RIC1: variants seen among roughly 807,000 people sequenced by gnomAD.
RIC1 encodes guanine nucleotide exchange factor subunit RIC1.
In RIC1, 88 loss-of-function variants were observed where a neutral mutation model predicts 169.0. The observed-to-expected ratio is 0.52, with a 90% CI of 0.44 to 0.62. RIC1 has a LOEUF of 0.62. Ranked by LOEUF, RIC1 falls within the 20% of genes least tolerant of loss-of-function variation. RIC1 has a pLI of 0.00. For missense variants in RIC1, 1,877 were observed against 1,725.5 expected, an observed-to-expected ratio of 1.09 and a Z score of -1.56; for synonymous variants, 790 against 601.5, an observed-to-expected ratio of 1.31 and a Z score of -4.59.
intron 4 of RIC1, among the ~76,000 whole-genome samples, chr9:5,714,480 A>C (rs965374112): frequency 2.6e-5 from 4 of 152,286 alleles, no homozygotes; most frequent in East Asian, 3.9e-4. Flanking sequence ...TTTTATACCC[A>C]TTGGTAGAAA....
intron 1 of RIC1, among the ~76,000 whole-genome samples, chr9:5,651,263 C>T (rs1818784940): frequency 6.6e-6 from 1 of 152,202 alleles, no homozygotes; most frequent in Admixed American, 6.5e-5. Context: ...CTTCCCTCTT[C>T]TTCCTTGCTT....
intron 2 of RIC1, among the ~76,000 whole-genome samples, chr9:5,665,645 A>G (rs1012912658): frequency 1.3e-5 from 2 of 151,580 alleles, no homozygotes; most frequent in African/African-American, 4.9e-5. Flanking sequence ...TTTTGTTGAT[A>G]TTGTTGTTTT....
intron 2 of RIC1, among the ~76,000 whole-genome samples, chr9:5,686,834 G>C (rs1482160135): frequency 6.6e-6 from 1 of 152,106 alleles, no homozygotes; most frequent in Non-Finnish European, 1.5e-5. Flanking sequence ...TAATGTCTTT[G>C]TCTGGTTTTG....
chr9:5,775,442 A>G lies in RIC1; in HGVS notation c.*1196A>G, dbSNP rs1424094315. The G allele has an allele frequency of 6.6e-6, 1 of 152,236 alleles. No homozygotes were observed. The highest frequency in any genetic ancestry group is 1.5e-5 in the Non-Finnish European group (1 of 68,030). 9.4% of individuals were successfully genotyped at this position (152,236 alleles called of 1,614,324 possible). A position where few individuals can be genotyped will look rare whatever the true frequency, so the allele number is the denominator to read the frequency against. ...GTAATTCTAATTACCTTATAACAGT[A>G]TTAAGACAGCTTGTTTGTACTGTGC... On this transcript the variant is annotated 3_prime_UTR_variant, in exon 26 of 26. Coordinates refer to ENST00000414202, the MANE Select transcript of RIC1 (RefSeq NM_020829.4).
At position 5,732,374 on chromosome 9, in the gene RIC1, T is replaced by C. The variant is rs1161501680; in HGVS notation, c.721-14T>C. 2.5e-6 allele frequency: 4 copies of C among 1,597,204 alleles called. No individual in the cohort carries two copies. Among genetic ancestry groups the C allele is most frequent in the Non-Finnish European group, 3.4e-6 (4 of 1,170,640 alleles). On this transcript the variant is annotated splice_polypyrimidine_tract_variant and intron_variant, in intron 6 of 25. Coordinates refer to ENST00000414202, the MANE Select transcript of RIC1 (RefSeq NM_020829.4). ...AAACACTTTTTAAGCCTTAACTATTTTTCTTTATTATAGCAGCTTCATGGA... is the reference window on the plus strand; with the variant it reads ...AAACACTTTTTAAGCCTTAACTATTCTTCTTTATTATAGCAGCTTCATGGA...
At chr9:5,768,346 C>T (rs1236160802) in intron 21 of RIC1, among the ~76,000 whole-genome samples, 4 of 152,066 alleles carry the variant, frequency 2.6e-5, no homozygotes, top group African/African-American at 7.2e-5. Flanking sequence ...GGCAACACAG[C>T]AAGATCCCAT....
At chr9:5,631,400 G>A (rs1170222449) in intron 1 of RIC1, among the ~76,000 whole-genome samples, 1 of 152,120 alleles carries the variant, frequency 6.6e-6, no homozygotes, top group African/African-American at 2.4e-5. Flanking sequence ...GTATAGTACT[G>A]TAGTATGAGT....
intron 19 of RIC1, among the ~76,000 whole-genome samples, 184 bp downstream of exon 19, chr9:5,764,052 T>C (rs1336707433): frequency 6.6e-6 from 1 of 152,242 alleles, no homozygotes; most frequent in African/African-American, 2.4e-5. Context: ...ATTGCAGAGA[T>C]ATTTTTTCCA....
At chr9:5,654,803 T>G in intron 1 of RIC1, among the ~76,000 whole-genome samples, 1 of 152,244 alleles carries the variant, frequency 6.6e-6, no homozygotes, top group Non-Finnish European at 1.5e-5. Flanking sequence ...TCTGCCTGCC[T>G]TGGCCTTTCA....
intron 3 of RIC1, among the ~76,000 whole-genome samples, chr9:5,692,021 A>G (rs10975242): frequency 0.34 from 51,292 of 151,868 alleles, 9,392 homozygotes; most frequent in East Asian, 0.62. Context: ...AGTCCTGACA[A>G]TGCGTGAACT....
chr9:5,650,517 G>C (rs2130395867), intron 1 of RIC1, among the ~76,000 whole-genome samples: 1 of 152,146 alleles, frequency 6.6e-6, no homozygotes, highest in Middle Eastern at 3.4e-3. Flanking sequence ...AGAGGGGATA[G>C]GGTTGGTGTC....
At chr9:5,700,509 C>G (rs12348872) in intron 3 of RIC1, among the ~76,000 whole-genome samples, 2,658 of 152,012 alleles carry the variant, frequency 0.017, 82 homozygotes, top group African/African-American at 0.061. Flanking sequence ...ATTCGTAAAT[C>G]TAGCAAATTT....
chr9:5,654,158 C>T (rs1818956427), intron 1 of RIC1, among the ~76,000 whole-genome samples: 1 of 151,898 alleles, frequency 6.6e-6, no homozygotes, highest in African/African-American at 2.4e-5. Context: ...GCCACCATGC[C>T]CAGCTAATTT....
chr9:5,639,803 G>A (rs1818148296), intron 1 of RIC1, among the ~76,000 whole-genome samples: 1 of 152,084 alleles, frequency 6.6e-6, no homozygotes, highest in Non-Finnish European at 1.5e-5. Context: ...TTCTATTGCT[G>A]GATTGACTCT....
intron 7 of RIC1, among the ~76,000 whole-genome samples, chr9:5,734,146 G>T (rs548319109): frequency 6.7e-6 from 1 of 148,672 alleles, no homozygotes; most frequent in Non-Finnish European, 1.5e-5. Flanking sequence ...TCGCTCTGTC[G>T]CCCTGGCTAG....
chr9:5,773,936 A>T, intron 25 of RIC1, 22 bp from the exon 26 acceptor site: 1 of 1,540,124 alleles, frequency 6.5e-7, no homozygotes, highest in Non-Finnish European at 8.7e-7. Flanking sequence ...CAGATGAGCT[A>T]ATGTTTTTTT....
intron 6 of RIC1, among the ~76,000 whole-genome samples, chr9:5,728,592 T>C (rs2130908287): frequency 1.3e-5 from 2 of 152,330 alleles, no homozygotes; most frequent in East Asian, 3.9e-4. Flanking sequence ...CAGTTGGAAA[T>C]GCAGAAATCA....
At chr9:5,705,191 T>TC (rs78355310) in intron 3 of RIC1, among the ~76,000 whole-genome samples, 23 of 125,158 alleles carry the variant, frequency 1.8e-4, no homozygotes, top group African/African-American at 7.5e-4. Context: ...TTCCCATTTC[T>TC]GTTTTTTTTT....
At chr9:5,718,166 A>AAAAAAAAT (rs1823380133) in intron 4 of RIC1, among the ~76,000 whole-genome samples, 1 of 150,258 alleles carries the variant, frequency 6.7e-6, no homozygotes, top group African/African-American at 2.4e-5. Context: ...AAAAAAAAAA[A>AAAAAAAAT]GTTCAGTTCT....
Sources: gnomAD v4.1 joint callset for allele counts (sites outside exome capture counted in the v4.1 genomes callset) on GRCh38, gnomAD v4.1.1 for gene constraint, MANE v1.5 for transcripts, NCBI Gene and HGNC (gene_info 2026-07-23, HGNC 2026-07-21) for gene names.